Variants in NRG3 observed in about 807,000 individuals in gnomAD.
NRG3 encodes neuregulin 3, also known as pro-neuregulin-3, membrane-bound isoform.
A neutral mutation model predicts 66.9 loss-of-function variants in NRG3; 31 were observed. That is an observed-to-expected ratio of 0.46 (90% CI 0.35 to 0.63). NRG3 has a LOEUF of 0.63. Ranked by LOEUF, NRG3 falls within the 20% of genes least tolerant of loss-of-function variation. The pLI is 0.00. For synonymous variants in NRG3, 393 were observed against 359.4 expected, an observed-to-expected ratio of 1.09 and a Z score of -1.06; for missense variants, 910 against 878.9, an observed-to-expected ratio of 1.04 and a Z score of -0.45.
intron 2 of NRG3, among the ~76,000 whole-genome samples, chr10:82,467,999 T>G (rs1172620312): frequency 6.6e-6 from 1 of 152,168 alleles, no homozygotes; most frequent in Non-Finnish European, 1.5e-5. Flanking sequence ...ATGGAAAACA[T>G]TTGCCCAGCA....
intron 1 of NRG3, among the ~76,000 whole-genome samples, chr10:82,192,972 TGAGAGAGA>T (rs5786538): frequency 1.9e-4 from 27 of 139,732 alleles, no homozygotes; most frequent in African/African-American, 6.5e-4. Context: ...AGGAAGAAAG[TGAGAGAGA>T]GAGAGAGAGA....
intron 2 of NRG3, among the ~76,000 whole-genome samples, chr10:82,559,097 A>G (rs1157436254): frequency 6.6e-6 from 1 of 152,092 alleles, no homozygotes; most frequent in African/African-American, 2.4e-5. Context: ...ATAAAATCGT[A>G]TTATTACTCC....
At chr10:82,940,917 A>ACTCAAAT (rs1848528158) in intron 4 of NRG3, among the ~76,000 whole-genome samples, 1 of 152,198 alleles carries the variant, frequency 6.6e-6, no homozygotes, top group African/African-American at 2.4e-5. Flanking sequence ...CAGACGCTAT[A>ACTCAAAT]CTCAAATAAG....
chr10:82,496,666 T>C (rs2132301539), intron 2 of NRG3, among the ~76,000 whole-genome samples: 1 of 152,306 alleles, frequency 6.6e-6, no homozygotes, highest in African/African-American at 2.4e-5. Flanking sequence ...TGCAGATGTT[T>C]ACCTTAAATA....
chr10:82,633,404 T>G (rs1362480872), intron 2 of NRG3, among the ~76,000 whole-genome samples: 1 of 152,176 alleles, frequency 6.6e-6, no homozygotes, highest in Admixed American at 6.5e-5. Flanking sequence ...AATGTCAAGT[T>G]GTACGACACA....
At chr10:82,106,688 T>C (rs908627009) in intron 1 of NRG3, among the ~76,000 whole-genome samples, 3 of 151,992 alleles carry the variant, frequency 2.0e-5, no homozygotes, top group Non-Finnish European at 4.4e-5. Context: ...GTATTTTGGG[T>C]AGAGACAGGT....
intron 1 of NRG3, among the ~76,000 whole-genome samples, chr10:82,185,011 A>G (rs1215035824): frequency 6.6e-6 from 1 of 152,160 alleles, no homozygotes; most frequent in Non-Finnish European, 1.5e-5. Flanking sequence ...AGTAAAAGGC[A>G]ACTACATCTT....
intron 2 of NRG3, among the ~76,000 whole-genome samples, chr10:82,665,667 T>C (rs1285222089): frequency 1.3e-5 from 2 of 152,196 alleles, no homozygotes. Flanking sequence ...TCTTTCTTTA[T>C]CCTGCTTAGA....
intron 2 of NRG3, among the ~76,000 whole-genome samples, chr10:82,539,034 T>C (rs895122340): frequency 3.3e-5 from 5 of 152,148 alleles, no homozygotes; most frequent in African/African-American, 1.2e-4. Context: ...TCCCGCAAGA[T>C]TGGATTTACT....
chr10:82,434,190 A>G (rs2089991346), intron 2 of NRG3, among the ~76,000 whole-genome samples: 1 of 151,994 alleles, frequency 6.6e-6, no homozygotes, highest in Non-Finnish European at 1.5e-5. Flanking sequence ...ATTGCTATAT[A>G]TTTTATTCTC....
In NRG3 at chr10:82,516,690, G is replaced by C. The variant is rs368523904; in HGVS notation, c.953+157822G>C. Among the ~76,000 whole-genome samples the C allele has an allele frequency of 1.8e-4, 27 of 152,164 alleles. No individual in the cohort carries two copies. In the East Asian group the frequency reaches 3.5e-3, roughly 20 times the overall value. On this transcript the variant is annotated intron_variant, in intron 2 of 8. Coordinates refer to ENST00000372141, the MANE Select transcript of NRG3 (RefSeq NM_001010848.4). ...TTATCAACCAAATTTAATTACATTTGTACCAGGATAATTCTTTACTTGTTT... is the reference window on the plus strand; with the variant it reads ...TTATCAACCAAATTTAATTACATTTCTACCAGGATAATTCTTTACTTGTTT...
chr10:82,098,052 T>TACACAC lies in NRG3; in HGVS notation c.823+221890_823+221891insCACACA, dbSNP rs144810914. 4.5e-5 allele frequency among the ~76,000 whole-genome samples: 5 copies of TACACAC among 111,824 alleles called. No homozygotes were observed. In the East Asian group the frequency reaches 2.2e-3, roughly 49 times the overall value. The allele number at this position is 111,824 out of a possible 152,430, so 73.4% of individuals were successfully genotyped here. ...AGCTAACAATGTAGTCTGCCACATA[T>TACACAC]ATACACACACACACACACACACACA... On this transcript the variant is annotated intron_variant, in intron 1 of 8. Transcript: ENST00000372141.
chr10:82,733,837 A>T (rs1349082104), intron 2 of NRG3, among the ~76,000 whole-genome samples: 3 of 152,234 alleles, frequency 2.0e-5, no homozygotes, highest in Non-Finnish European at 4.4e-5. Flanking sequence ...TTGTCATATT[A>T]TAAGCCGTAA....
chr10:82,076,916 T>G (rs1355640156), intron 1 of NRG3, among the ~76,000 whole-genome samples: 1 of 152,202 alleles, frequency 6.6e-6, no homozygotes, highest in Non-Finnish European at 1.5e-5. Context: ...GCCTCCAGGA[T>G]GACTGGCCTA....
At chr10:82,917,752 G>C (rs1409136342) in intron 4 of NRG3, among the ~76,000 whole-genome samples, 1 of 151,916 alleles carries the variant, frequency 6.6e-6, no homozygotes, top group Non-Finnish European at 1.5e-5. Flanking sequence ...AAGTCTTGGA[G>C]CTAGGAGCTT....
At chr10:82,514,367 G>A (rs1845463365) in intron 2 of NRG3, among the ~76,000 whole-genome samples, 1 of 152,144 alleles carries the variant, frequency 6.6e-6, no homozygotes, top group African/African-American at 2.4e-5. Context: ...TTTGTATGAG[G>A]TGTGAGGAAG....
At chr10:82,855,087 G>A (rs1449406832) in intron 3 of NRG3, among the ~76,000 whole-genome samples, 1 of 152,070 alleles carries the variant, frequency 6.6e-6, no homozygotes, top group Non-Finnish European at 1.5e-5. Context: ...GGAAGTGGGG[G>A]TGAGTTGTCT....
chr10:82,188,492 C>G (rs2073940509), intron 1 of NRG3, among the ~76,000 whole-genome samples: 2 of 152,020 alleles, frequency 1.3e-5, no homozygotes, highest in African/African-American at 4.8e-5. Flanking sequence ...GCAAAGGATA[C>G]AGTCAACAAA....
chr10:81,958,846 G>A (rs899099885), intron 1 of NRG3, among the ~76,000 whole-genome samples: 4 of 151,974 alleles, frequency 2.6e-5, no homozygotes, highest in African/African-American at 9.7e-5. Context: ...CCAAAAACAA[G>A]CCCCACTACA....
Sources: gnomAD v4.1 joint callset for allele counts (sites outside exome capture counted in the v4.1 genomes callset) on GRCh38, gnomAD v4.1.1 for gene constraint, MANE v1.5 for transcripts, NCBI Gene and HGNC (gene_info 2026-07-23, HGNC 2026-07-21) for gene names.